YIPF7: variants seen among roughly 807,000 people sequenced by gnomAD.
The protein encoded by YIPF7 is Yip1 domain family member 7, also known as protein YIPF7.
YIPF7 carries 35 observed loss-of-function variants against 27.2 expected under a neutral mutation model. The observed-to-expected ratio is 1.29, with a 90% CI of 0.98 to 1.70. YIPF7 has a LOEUF of 1.70. Ranked by LOEUF, YIPF7 falls within the 40% of genes most tolerant of loss-of-function variation. YIPF7 has a pLI of 0.00. For missense variants in YIPF7, 358 were observed against 303.7 expected (o/e 1.18, Z -1.33); for synonymous variants, 137 against 110.4 (o/e 1.24, Z -1.51).
rs560228546 is a variant in YIPF7, at chr4:44,642,091, T to G, written c.117-6006A>C. 5.3e-5 allele frequency among the ~76,000 whole-genome samples: 8 copies of G among 152,286 alleles called. No homozygotes were observed. In the South Asian group the frequency reaches 6.2e-4, roughly 12 times the overall value. On this transcript the variant is annotated intron_variant, in intron 2 of 5. Transcript: ENST00000415895. ...ATGTCATTGCCATACTTGTCTGGCC[T>G]CACCATAACTCATGTCAGGTGCTAC...
intron 2 of YIPF7, among the ~76,000 whole-genome samples, chr4:44,645,520 T>A (rs1157177304): frequency 6.6e-6 from 1 of 152,216 alleles, no homozygotes; most frequent in East Asian, 1.9e-4. Flanking sequence ...TATATATTTG[T>A]ACCTCACACA....
intron 3 of YIPF7, among the ~76,000 whole-genome samples, chr4:44,632,732 C>T (rs1250160573): frequency 6.6e-6 from 1 of 152,172 alleles, no homozygotes; most frequent in East Asian, 1.9e-4. Context: ...CTGAAAAAGA[C>T]ATACCCTGGC....
intron 2 of YIPF7, among the ~76,000 whole-genome samples, chr4:44,647,173 G>C (rs1287789925): frequency 6.6e-6 from 1 of 152,010 alleles, no homozygotes; most frequent in African/African-American, 2.4e-5. Flanking sequence ...CGTCAACCTG[G>C]TACTGTAAAA....
At chr4:44,661,064 T>A (rs1714031235) in intron 1 of YIPF7, among the ~76,000 whole-genome samples, 1 of 152,146 alleles carries the variant, frequency 6.6e-6, no homozygotes, top group South Asian at 2.1e-4. Context: ...TAAGTGGAAT[T>A]TAGAGGAAAT....
At chr4:44,630,040 G>C (rs566142855) in intron 3 of YIPF7, among the ~76,000 whole-genome samples, 1 of 152,224 alleles carries the variant, frequency 6.6e-6, no homozygotes, top group South Asian at 2.1e-4. Flanking sequence ...GCAGTGGCAC[G>C]ATCTCAGCTC....
intron 2 of YIPF7, among the ~76,000 whole-genome samples, chr4:44,644,760 A>T (rs1323040910): frequency 6.6e-6 from 1 of 152,110 alleles, no homozygotes; most frequent in African/African-American, 2.4e-5. Context: ...GGGTACAAGG[A>T]TATGGTCTGG....
chr4:44,647,818 C>T (rs544579428), intron 2 of YIPF7, among the ~76,000 whole-genome samples: 14 of 152,168 alleles, frequency 9.2e-5, no homozygotes, highest in African/African-American at 2.9e-4. Flanking sequence ...AGAGTAGGAA[C>T]AGAAGACTCC....
In YIPF7 at chr4:44,659,055, G is replaced by A. The variant is rs58836364; in HGVS notation, c.-2+1394C>T. On this transcript the variant is annotated intron_variant, in intron 2 of 2. Transcript: ENST00000508947. The stretch of plus-strand genomic sequence containing the variant: ...CTAGTATTTAGTTTACACAGTTACT[G>A]TACTCTCCCTGTTTGCCTGGGTTTA... Among the ~76,000 whole-genome samples, 311 of 152,182 alleles carry A rather than the reference G, an allele frequency of 2.0e-3. 3 individuals are homozygous for A. The highest frequency in any genetic ancestry group is 6.7e-3 in the African/African-American group (280 of 41,528).
chr4:44,657,413 C>T (rs185998849), intron 2 of YIPF7, among the ~76,000 whole-genome samples: 6 of 152,220 alleles, frequency 3.9e-5, no homozygotes, highest in Admixed American at 3.9e-4. Context: ...GTTTTAAATA[C>T]AATTGAATCT....
intron 2 of YIPF7, among the ~76,000 whole-genome samples, chr4:44,636,639 T>C (rs1005820418): frequency 3.3e-5 from 5 of 152,148 alleles, no homozygotes; most frequent in African/African-American, 1.2e-4. Flanking sequence ...ATACATACAC[T>C]AATTGCTGTG....
chr4:44,657,887 T>C (rs1005352382), intron 2 of YIPF7, among the ~76,000 whole-genome samples: 9 of 151,288 alleles, frequency 5.9e-5, no homozygotes, highest in East Asian at 5.8e-4. Context: ...TGAAAGGGAG[T>C]TGTGGCTTAG....
chr4:44,656,633 A>G (rs967482573), intron 2 of YIPF7, among the ~76,000 whole-genome samples: 5 of 152,106 alleles, frequency 3.3e-5, no homozygotes, highest in African/African-American at 1.2e-4. Context: ...AAACTGGATC[A>G]ACAGCAAGCA....
rs371374286 is a variant in YIPF7 at position 44,647,423 on chromosome 4, G to C, written c.116+2562C>G. Among the ~76,000 whole-genome samples, 5 of 152,128 alleles carry C rather than the reference G, an allele frequency of 3.3e-5. No individual in the cohort carries two copies. In the East Asian group the frequency reaches 7.7e-4, roughly 23 times the overall value. Reference sequence around the variant, plus strand: ...CCAATCTTATCTGGAAAAGAGGGTTGAGAAAAGAAACAGAAGGTTTAAGGC... The same window carrying C: ...CCAATCTTATCTGGAAAAGAGGGTTCAGAAAAGAAACAGAAGGTTTAAGGC... On this transcript the variant is annotated intron_variant, in intron 2 of 5. Coordinates refer to ENST00000415895, the MANE Select transcript of YIPF7 (RefSeq NM_182592.3).
chr4:44,636,888 A>G (rs1713143491), intron 2 of YIPF7, among the ~76,000 whole-genome samples: 1 of 152,188 alleles, frequency 6.6e-6, no homozygotes, highest in Admixed American at 6.5e-5. Context: ...TAACTAATTT[A>G]TCATCACTCC....
At chr4:44,629,859 A>T (rs944257407) in intron 3 of YIPF7, among the ~76,000 whole-genome samples, 7 of 152,248 alleles carry the variant, frequency 4.6e-5, no homozygotes, top group Non-Finnish European at 8.8e-5. Context: ...CAAGCTTTAA[A>T]TCTAATTGAA....
intron 4 of YIPF7, among the ~76,000 whole-genome samples, chr4:44,626,254 A>G (rs576254932): frequency 2.6e-5 from 4 of 152,328 alleles, no homozygotes; most frequent in African/African-American, 9.6e-5. Flanking sequence ...AAATAATGCT[A>G]ATGATGGACA....
chr4:44,632,507 T>C (rs1458767645), intron 3 of YIPF7, among the ~76,000 whole-genome samples: 2 of 152,204 alleles, frequency 1.3e-5, no homozygotes, highest in African/African-American at 4.8e-5. Context: ...GATTTTACAT[T>C]AACAAAGAGC....
At chr4:44,661,991 T>C (rs13125900) in intron 1 of YIPF7, among the ~76,000 whole-genome samples, 82,514 of 151,642 alleles carry the variant, frequency 0.54, 23,377 homozygotes, top group Non-Finnish European at 0.64. Flanking sequence ...GCTCTTTCTT[T>C]CTTGTTTGTT....
At chr4:44,645,075 G>A (rs1388309) in intron 2 of YIPF7, among the ~76,000 whole-genome samples, 80,831 of 151,980 alleles carry the variant, frequency 0.53, 22,417 homozygotes, top group Non-Finnish European at 0.62. Flanking sequence ...TACAGCCTGT[G>A]GGACTATGAG....
Sources: allele counts gnomAD v4.1 joint callset (sites outside exome capture counted in the v4.1 genomes callset), GRCh38; gene constraint gnomAD v4.1.1; transcripts MANE v1.5; gene names NCBI Gene and HGNC (gene_info 2026-07-23, HGNC 2026-07-21).